SUPT3H: variants seen among roughly 807,000 people sequenced by gnomAD.
SUPT3H encodes the protein transcription initiation protein SPT3 homolog.
SUPT3H carries 44 observed loss-of-function variants against 44.3 expected under a neutral mutation model. That is an observed-to-expected ratio of 0.99 (90% CI 0.78 to 1.28). The LOEUF (loss-of-function observed/expected upper bound fraction) is 1.28, where lower values mean the gene tolerates loss of function less well. SUPT3H is among the 50% of genes most tolerant of loss of function. The probability of loss-of-function intolerance (pLI) is 0.00; values close to 1 mark genes in which losing one functional copy is unlikely to be tolerated. For missense variants in SUPT3H, 380 were observed against 387.1 expected (o/e 0.98, Z 0.15); for synonymous variants, 124 against 125.6 (o/e 0.99, Z 0.09).
intron 3 of SUPT3H, among the ~76,000 whole-genome samples, chr6:45,062,551 G>A (rs550239285): frequency 5.9e-5 from 9 of 152,296 alleles, no homozygotes; most frequent in Non-Finnish European, 1.0e-4. Flanking sequence ...CTGAGGTACC[G>A]GGTGCATCTC....
chr6:44,861,614 C>T (rs571594992), intron 10 of SUPT3H, among the ~76,000 whole-genome samples: 2 of 152,144 alleles, frequency 1.3e-5, no homozygotes, highest in African/African-American at 4.8e-5. Flanking sequence ...CTTCAACTCC[C>T]GACCTCAGGT....
At chr6:45,318,281 G>A (rs1784995961) in intron 2 of SUPT3H, among the ~76,000 whole-genome samples, 1 of 152,086 alleles carries the variant, frequency 6.6e-6, no homozygotes, top group Non-Finnish European at 1.5e-5. Flanking sequence ...GATAGGAGGT[G>A]CACAGAGGAT....
chr6:44,898,078 G>C (rs1213715588), intron 10 of SUPT3H, among the ~76,000 whole-genome samples: 1 of 152,168 alleles, frequency 6.6e-6, no homozygotes, highest in Non-Finnish European at 1.5e-5. Flanking sequence ...AAGGGACTAA[G>C]AATTTGCATT....
intron 2 of SUPT3H, among the ~76,000 whole-genome samples, chr6:45,256,451 G>A (rs189822435): frequency 0.018 from 2,666 of 152,022 alleles, 50 homozygotes; most frequent in South Asian, 0.085. Context: ...TAATCTCATC[G>A]ATGAGGGCAG....
chr6:44,992,507 TC>T (rs1780737124), intron 6 of SUPT3H, among the ~76,000 whole-genome samples: 1 of 152,156 alleles, frequency 6.6e-6, no homozygotes, highest in Non-Finnish European at 1.5e-5. Context: ...TCCAATGCTT[TC>T]CTACCAAATC....
chr6:44,983,529 C>T (rs1314689127), intron 6 of SUPT3H, among the ~76,000 whole-genome samples: 1 of 152,054 alleles, frequency 6.6e-6, no homozygotes, highest in African/African-American at 2.4e-5. Flanking sequence ...TACCATGTCC[C>T]TATTAAAAAG....
intron 2 of SUPT3H, among the ~76,000 whole-genome samples, chr6:45,315,076 G>A (rs1784486873): frequency 6.6e-6 from 1 of 152,096 alleles, no homozygotes; most frequent in Non-Finnish European, 1.5e-5. Flanking sequence ...CAGACACTAG[G>A]CTAGCCACAT....
chr6:44,930,392 GA>G (rs1472508702), intron 10 of SUPT3H, among the ~76,000 whole-genome samples: 3 of 137,780 alleles, frequency 2.2e-5, no homozygotes, highest in Admixed American at 1.4e-4. Flanking sequence ...AAAAAAAAAA[GA>G]AAAAAAAATT....
intron 2 of SUPT3H, among the ~76,000 whole-genome samples, chr6:45,168,849 G>C (rs557473695): frequency 1.3e-5 from 2 of 152,230 alleles, no homozygotes; most frequent in East Asian, 3.9e-4. Context: ...AAACTGTTAA[G>C]GGCCTTCAAT....
At chr6:44,825,311 A>G (rs777429361), downstream of SUPT3H, among the ~76,000 whole-genome samples, 6 of 152,230 alleles carry the variant, frequency 3.9e-5, no homozygotes, top group Non-Finnish European at 7.3e-5. Context: ...AATACTTGGC[A>G]TTAGAGGAGG....
intron 2 of SUPT3H, among the ~76,000 whole-genome samples, chr6:45,236,766 T>C (rs367727758): frequency 7.1e-4 from 108 of 152,160 alleles, no homozygotes; most frequent in African/African-American, 2.6e-3. Flanking sequence ...AGGGAAATAT[T>C]ATAGCTACAT....
chr6:44,936,640 C>G (rs1262700651), intron 9 of SUPT3H, among the ~76,000 whole-genome samples: 1 of 152,120 alleles, frequency 6.6e-6, no homozygotes, highest in Non-Finnish European at 1.5e-5. Flanking sequence ...GCCTCTAGTT[C>G]CATCCATGTT....
At chr6:45,303,671 TAA>T (rs36119324) in intron 2 of SUPT3H, among the ~76,000 whole-genome samples, 19 of 113,040 alleles carry the variant, frequency 1.7e-4, no homozygotes, top group Non-Finnish European at 1.8e-4. Flanking sequence ...ATTCTAGAAG[TAA>T]AAAAAAAAAA....
intron 10 of SUPT3H, among the ~76,000 whole-genome samples, chr6:44,892,145 CTG>C (rs1037127326): frequency 6.6e-6 from 1 of 152,120 alleles, no homozygotes; most frequent in Non-Finnish European, 1.5e-5. Flanking sequence ...CTGCTATGGA[CTG>C]AACTGTATCC....
intron 2 of SUPT3H, among the ~76,000 whole-genome samples, chr6:45,264,003 A>ATTT (rs1774840593): frequency 6.6e-6 from 1 of 152,196 alleles, no homozygotes; most frequent in Non-Finnish European, 1.5e-5. Context: ...CCAACATAAA[A>ATTT]TTGAAAGAAA....
chr6:45,227,263 TA>T (rs1767118354), intron 2 of SUPT3H, among the ~76,000 whole-genome samples: 1 of 151,746 alleles, frequency 6.6e-6, no homozygotes, highest in African/African-American at 2.4e-5. Context: ...GGAATTAAAA[TA>T]ATTATGAAAA....
chr6:44,822,052 ATATT>A (rs1184635171), downstream of SUPT3H, among the ~76,000 whole-genome samples: 8 of 152,236 alleles, frequency 5.3e-5, no homozygotes, highest in Non-Finnish European at 8.8e-5. Context: ...ACTTATGTGT[ATATT>A]TATTAATAAA....
chr6:44,972,183 G>A (rs1777674706), intron 6 of SUPT3H, among the ~76,000 whole-genome samples: 1 of 152,050 alleles, frequency 6.6e-6, no homozygotes, highest in South Asian at 2.1e-4. Context: ...TAAAATCAAA[G>A]ACAAGTTAGT....
intron 2 of SUPT3H, among the ~76,000 whole-genome samples, chr6:45,204,464 G>A (rs1762924520): frequency 6.6e-6 from 1 of 152,114 alleles, no homozygotes; most frequent in South Asian, 2.1e-4. Flanking sequence ...CACTTATAAA[G>A]AATCTACTTT....
Sources: allele counts gnomAD v4.1 joint callset (sites outside exome capture counted in the v4.1 genomes callset), GRCh38; gene constraint gnomAD v4.1.1; transcripts MANE v1.5; gene names NCBI Gene and HGNC (gene_info 2026-07-23, HGNC 2026-07-21).